MCHR2: variants seen among roughly 807,000 people sequenced by gnomAD.
MCHR2 encodes melanin-concentrating hormone receptor 2.
A neutral mutation model predicts 24.8 loss-of-function variants in MCHR2; 15 were observed. That is an observed-to-expected ratio of 0.60 (90% CI 0.40 to 0.93). The LOEUF is 0.93. Ranked by LOEUF, MCHR2 falls within the 40% of genes least tolerant of loss-of-function variation. The probability of loss-of-function intolerance (pLI) is 0.00; values close to 1 mark genes in which losing one functional copy is unlikely to be tolerated. For synonymous variants in MCHR2, 151 were observed against 147.6 expected, an observed-to-expected ratio of 1.02 and a Z score of -0.17; for missense variants, 386 against 408.7, an observed-to-expected ratio of 0.94 and a Z score of 0.48.
chr6:99,985,333 C>T (rs1167256400), intron 1 of MCHR2, among the ~76,000 whole-genome samples: 3 of 152,006 alleles, frequency 2.0e-5, no homozygotes, highest in East Asian at 1.9e-4. Context: ...GCAATGCTAA[C>T]ATTCATATGA....
intron 4 of MCHR2, 139 bp downstream of exon 4, chr6:99,942,810 G>A (rs1422161883): frequency 1.9e-5 from 11 of 585,792 alleles, no homozygotes; most frequent in Admixed American, 6.3e-5. Context: ...TTGATTGTAT[G>A]TGTGGAGAAA....
At chr6:99,924,650 C>T (rs1447944996) in intron 5 of MCHR2, among the ~76,000 whole-genome samples, 1 of 151,970 alleles carries the variant, frequency 6.6e-6, no homozygotes, top group African/African-American at 2.4e-5. Flanking sequence ...TTAATTTCTT[C>T]TTTGACCCAC....
At chr6:99,944,201 T>A (rs1396750692) in intron 3 of MCHR2, among the ~76,000 whole-genome samples, 2 of 152,104 alleles carry the variant, frequency 1.3e-5, no homozygotes, top group Admixed American at 6.5e-5. Flanking sequence ...AAAAAAGGGG[T>A]AATCATTAAT....
At chr6:99,948,140 G>C (rs1202443288) in intron 2 of MCHR2, among the ~76,000 whole-genome samples, 169 bp from the exon 3 acceptor site, 1 of 152,130 alleles carries the variant, frequency 6.6e-6, no homozygotes, top group East Asian at 1.9e-4. Context: ...TAAGCATTTT[G>C]AACTATTTAT....
intron 1 of MCHR2, among the ~76,000 whole-genome samples, chr6:99,979,196 G>A (rs1358211063): frequency 2.0e-5 from 3 of 152,208 alleles, no homozygotes; most frequent in Admixed American, 6.5e-5. Context: ...TGGAAGTCCA[G>A]TGACTTGGGA....
intron 1 of MCHR2, among the ~76,000 whole-genome samples, chr6:99,977,763 A>G (rs1156790595): frequency 6.6e-6 from 1 of 152,172 alleles, no homozygotes; most frequent in Non-Finnish European, 1.5e-5. Context: ...GCAAAGTTTT[A>G]AATTAAAAAC....
chr6:99,991,803 C>T (rs1311199846), intron 1 of MCHR2, among the ~76,000 whole-genome samples: 2 of 23,162 alleles, frequency 8.6e-5, no homozygotes, highest in Non-Finnish European at 1.9e-4. Context: ...AGTGAGACTC[C>T]GTCTCAAAAA....
chr6:99,936,841 T>C (rs1272275945), intron 4 of MCHR2, among the ~76,000 whole-genome samples: 1 of 151,822 alleles, frequency 6.6e-6, no homozygotes, highest in African/African-American at 2.4e-5. Flanking sequence ...TCCTTTTTTG[T>C]GTCCTATTTC....
chr6:99,984,330 T>C (rs1302150777), intron 1 of MCHR2, among the ~76,000 whole-genome samples: 1 of 152,052 alleles, frequency 6.6e-6, no homozygotes, highest in Non-Finnish European at 1.5e-5. Context: ...TACATATGTA[T>C]ACATGTGCCA....
intron 1 of MCHR2, among the ~76,000 whole-genome samples, chr6:99,988,214 G>T (rs1775803613): frequency 1.3e-5 from 2 of 152,180 alleles, no homozygotes; most frequent in African/African-American, 2.4e-5. Context: ...GGAAGACAGG[G>T]TGGTACTTTC....
chr6:99,925,187 C>A (rs1240947422), intron 5 of MCHR2, among the ~76,000 whole-genome samples: 2 of 152,102 alleles, frequency 1.3e-5, no homozygotes, highest in South Asian at 2.1e-4. Flanking sequence ...AGTTTTCTAA[C>A]TGAAATCTAT....
intron 5 of MCHR2, among the ~76,000 whole-genome samples, chr6:99,925,743 T>C (rs1016373862): frequency 1.3e-5 from 2 of 151,986 alleles, no homozygotes; most frequent in African/African-American, 2.4e-5. Flanking sequence ...TTTCAGTGTA[T>C]ATCTTATTGT....
At position 99,979,465 on chromosome 6, in the gene MCHR2, A is replaced by G. The variant is rs142098327; in HGVS notation, c.-28+14471T>C. On this transcript the variant is annotated intron_variant, in intron 1 of 5. Transcript: ENST00000281806. ...CTTGCAATGTGGCTTGTCTGAATTGAGATGTGCAGTAAGTGTAAAATATGC... is the reference window on the plus strand; with the variant it reads ...CTTGCAATGTGGCTTGTCTGAATTGGGATGTGCAGTAAGTGTAAAATATGC... 5.1e-3 allele frequency among the ~76,000 whole-genome samples: 781 copies of G among 152,310 alleles called. 7 individuals are homozygous for G. The highest frequency in any genetic ancestry group is 0.018 in the African/African-American group (741 of 41,568).
intron 2 of MCHR2, among the ~76,000 whole-genome samples, chr6:99,951,786 C>T (rs1774970717): frequency 6.6e-6 from 1 of 152,056 alleles, no homozygotes; most frequent in East Asian, 1.9e-4. Flanking sequence ...GTTTTCCATC[C>T]CTGTCAGCAG....
At chr6:99,991,439 C>T (rs1234053956) in intron 1 of MCHR2, among the ~76,000 whole-genome samples, 1 of 152,192 alleles carries the variant, frequency 6.6e-6, no homozygotes, top group Non-Finnish European at 1.5e-5. Context: ...ACCAACCTGT[C>T]TGAGCCTCAG....
intron 1 of MCHR2, among the ~76,000 whole-genome samples, chr6:99,974,414 T>G (rs1475011554): frequency 2.0e-5 from 3 of 152,234 alleles, no homozygotes; most frequent in Non-Finnish European, 4.4e-5. Flanking sequence ...CTCCATCAGC[T>G]CCTTTAAGGA....
At chr6:99,987,103 T>TATTG (rs1284998182) in intron 1 of MCHR2, among the ~76,000 whole-genome samples, 1 of 151,820 alleles carries the variant, frequency 6.6e-6, no homozygotes, top group Non-Finnish European at 1.5e-5. Flanking sequence ...TTTATTTATT[T>TATTG]ATTTATTTAT....
At chr6:99,950,476 C>T (rs749678807) in intron 2 of MCHR2, among the ~76,000 whole-genome samples, 3 of 152,002 alleles carry the variant, frequency 2.0e-5, no homozygotes, top group Admixed American at 6.6e-5. Flanking sequence ...ATATGGTTAA[C>T]GTGGTCATAT....
At chr6:99,971,496 A>T (rs1437583828) in intron 1 of MCHR2, among the ~76,000 whole-genome samples, 36 of 152,268 alleles carry the variant, frequency 2.4e-4, no homozygotes, top group African/African-American at 8.4e-4. Flanking sequence ...GACAATCACG[A>T]CATCTGCAAA....
Sources: allele counts gnomAD v4.1 joint callset (sites outside exome capture counted in the v4.1 genomes callset), GRCh38; gene constraint gnomAD v4.1.1; transcripts MANE v1.5; gene names NCBI Gene and HGNC (gene_info 2026-07-23, HGNC 2026-07-21).